The following UBC variants were observed in gnomAD, a reference collection of about 807,000 sequenced individuals.
UBC encodes ubiquitin C.
In UBC, 8 loss-of-function variants were observed where a neutral mutation model predicts 34.7. The observed-to-expected ratio is 0.23, with a 90% CI of 0.14 to 0.42. The LOEUF (loss-of-function observed/expected upper bound fraction) is 0.42, where lower values mean the gene tolerates loss of function less well. UBC is among the 10% of genes least tolerant of loss of function. The pLI is 1.00. For missense variants in UBC, 323 were observed against 750.3 expected, an observed-to-expected ratio of 0.43 and a Z score of 6.65; for synonymous variants, 367 against 299.8, an observed-to-expected ratio of 1.22 and a Z score of -2.32.
At position 124,911,732 on chromosome 12, in the gene UBC, G is replaced by A. The variant is rs746879291; in HGVS notation, c.2040C>T (p.Arg680=). ...QKESTLHLVL[R]LRGGV ...GGGAAACTTAGACACCCCCCCTCAA[G>A]CGCAGGACCAAGTGCAGAGTGGACT... Residue 680 remains arginine, a synonymous_variant, in exon 2 of 2, where the codon CGC becomes CGT. Transcript: ENST00000339647. 8.7e-6 allele frequency: 14 copies of A among 1,613,348 alleles called. No individual in the cohort carries two copies. Among genetic ancestry groups the A allele is most frequent in the Middle Eastern group, 1.6e-4 (1 of 6,076 alleles).
rs769381737 is a variant in UBC, at chr12:124,912,587, G to A, written c.1185C>T (p.Leu395=). The A allele has an allele frequency of 1.0e-5, 16 of 1,594,360 alleles. No homozygotes were observed. Among genetic ancestry groups the A allele is most frequent in the East Asian group, 2.3e-5 (1 of 44,160 alleles). The change falls in exon 2 of 2, where the codon CTC becomes CTT. Residue 395 remains leucine (L), a synonymous_variant. Transcript: ENST00000339647. ...CAATGGTGTCACTCGGCTCCACCTCGAGAGTGATGGTCTTACCAGTCAGGG... is the reference window on the plus strand; with the variant it reads ...CAATGGTGTCACTCGGCTCCACCTCAAGAGTGATGGTCTTACCAGTCAGGG... ...VKTLTGKTIT[L]EVEPSDTIEN... is the part of the protein sequence containing the mutation.
At chr12:124,913,823 T>C in intron 1 of UBC, 49 bp from the exon 2 acceptor site, 7 of 1,596,856 alleles carry the variant, frequency 4.4e-6, no homozygotes, top group Non-Finnish European at 6.0e-6. Flanking sequence ...AATTTACTAG[T>C]CTAACACTGA....
Position 124,911,810 on chromosome 12 carries a change from A to T in UBC, c.1962T>A (p.Ala654=), listed in dbSNP as rs1071732. 2.5e-6 allele frequency: 4 copies of T among 1,613,180 alleles called. No homozygotes were observed. The highest frequency in any genetic ancestry group is 3.4e-6 in the Non-Finnish European group (4 of 1,179,616). The change falls in exon 2 of 2, where the codon GCT becomes GCA. Residue 654 remains alanine (A), a synonymous_variant. Coordinates refer to ENST00000339647, the MANE Select transcript of UBC (RefSeq NM_021009.7). ...IPPDQQRLIF[A]GKQLEDGRTL... Reference sequence around the variant, plus strand: ...TGCGTCCATCTTCCAGCTGTTTCCCAGCAAAGATCAACCTCTGCTGATCAG... The same window carrying T: ...TGCGTCCATCTTCCAGCTGTTTCCCTGCAAAGATCAACCTCTGCTGATCAG...
rs1953539221 is a variant in UBC, at chr12:124,912,631, T to A, written c.1141A>T (p.Met381Leu). 1.9e-6 allele frequency: 3 copies of A among 1,610,294 alleles called. No individual in the cohort carries two copies. The highest frequency in any genetic ancestry group is 2.5e-6 in the Non-Finnish European group (3 of 1,179,036). ...LHLVLRLRGG[M>L]QIFVKTLTGK... ...GTCAGGGTCTTCACGAAGATCTGCA[T>A]CCCACCTCTGAGACGGAGCACCAGG... The change falls in exon 2 of 2, where the codon ATG becomes TTG. Residue 381 changes from methionine to leucine, a missense_variant. By Grantham distance (15) the Met-to-Leu change is conservative (BLOSUM62 2). Coordinates refer to ENST00000339647, the MANE Select transcript of UBC (RefSeq NM_021009.7).
At chr12:124,914,194 G>T in intron 1 of UBC, 1 of 210,710 alleles carries the variant, frequency 4.7e-6, no homozygotes. Context: ...CTGCCCAACG[G>T]CACCGCCATA....
At chr12:124,914,173 G>A (rs939062702) in intron 1 of UBC, 2 of 243,384 alleles carry the variant, frequency 8.2e-6, no homozygotes, top group African/African-American at 4.6e-5. Flanking sequence ...GCTCCCAAAG[G>A]TACGGGTGCA....
At chr12:124,913,960 A>T (rs1309595054) in intron 1 of UBC, 186 bp from the exon 2 acceptor site, 1 of 905,234 alleles carries the variant, frequency 1.1e-6, no homozygotes, top group Non-Finnish European at 1.6e-6. Context: ...ATAGGTACAT[A>T]AAACCGACCA....
At position 124,912,908 on chromosome 12, in the gene UBC, G is replaced by A. The variant is rs764935804; in HGVS notation, c.864C>T (p.Asn288=). 2.5e-6 allele frequency: 4 copies of A among 1,609,566 alleles called. No individual in the cohort carries two copies. The highest frequency in any genetic ancestry group is 1.7e-6 in the Non-Finnish European group (2 of 1,177,946). ...LEDGRTLSDY[N]IQKESTLHLV... is the part of the protein sequence containing the mutation. ...GGTGCAGGGTAGACTCTTTCTGGATGTTGTAGTCAGACAGGGTGCGCCCAT... is the reference window on the plus strand; with the variant it reads ...GGTGCAGGGTAGACTCTTTCTGGATATTGTAGTCAGACAGGGTGCGCCCAT... Residue 288 remains asparagine, a synonymous_variant, in exon 2 of 2, where the codon AAC becomes AAT. Coordinates refer to ENST00000339647, the MANE Select transcript of UBC (RefSeq NM_021009.7).
At chr12:124,914,083 C>G (rs1953572509) in intron 1 of UBC, 2 of 408,774 alleles carry the variant, frequency 4.9e-6, no homozygotes, top group Non-Finnish European at 8.8e-6. Context: ...AAAAGCCTAC[C>G]GCACACCTAC....
intron 1 of UBC, 158 bp from the exon 2 acceptor site, chr12:124,913,932 C>A (rs1054085350): frequency 1.8e-6 from 2 of 1,128,282 alleles, no homozygotes; most frequent in Non-Finnish European, 2.5e-6. Context: ...AAAACCGGAG[C>A]TTCAGCTACT....
chr12:124,913,927 C>G (rs1953567417), intron 1 of UBC, 153 bp from the exon 2 acceptor site: 2 of 1,216,232 alleles, frequency 1.6e-6, no homozygotes, highest in Non-Finnish European at 2.3e-6. Context: ...AGTTCAAAAC[C>G]GGAGCTTCAG....
chr12:124,913,073 C>T lies in UBC; in HGVS notation c.699G>A (p.Val233=). ...TGATGGTCTTGCCAGTGAGTGTCTT[C>T]ACGAAGATTTGCATCCCACCTCTGA... The part of the protein sequence containing the change: ...LRLRGGMQIF[V]KTLTGKTITL... Residue 233 remains valine (V), a synonymous_variant, in exon 2 of 2, where the codon GTG becomes GTA. Coordinates refer to ENST00000339647, the MANE Select transcript of UBC (RefSeq NM_021009.7). The T allele has an allele frequency of 6.2e-7, 1 of 1,609,758 alleles. No individual in the cohort carries two copies. The highest frequency in any genetic ancestry group is 1.1e-5 in the South Asian group (1 of 90,800).
chr12:124,913,781 A>T lies in UBC; in HGVS notation c.-3-7T>A. ...TCACGAAGATCTGCATTGTCTAACAAAAAAGCCAAAAACGGCCAGAATTTA... is the reference window on the plus strand; with the variant it reads ...TCACGAAGATCTGCATTGTCTAACATAAAAGCCAAAAACGGCCAGAATTTA... On this transcript the variant is annotated splice_polypyrimidine_tract_variant and splice_region_variant and intron_variant, in intron 1 of 1. Transcript: ENST00000339647. 2 of 1,613,554 alleles carry T rather than the reference A, an allele frequency of 1.2e-6. No homozygotes were observed. Among genetic ancestry groups the T allele is most frequent in the Non-Finnish European group, 1.7e-6 (2 of 1,179,764 alleles).
Position 124,912,656 on chromosome 12 carries a change from G to C in UBC, c.1116C>G (p.His372Gln). ...TCCCACCTCTGAGACGGAGCACCAG[G>C]TGCAAGGTGGACTCTTTCTGGATGT... Reference protein sequence around the residue: ...DYNIQKESTLHLVLRLRGGMQ... With the variant: ...DYNIQKESTLQLVLRLRGGMQ... Residue 372 changes from histidine (H) to glutamine (Q), a missense_variant, in exon 2 of 2, where the codon CAC (histidine) becomes CAG (glutamine). Physicochemically the swap from His to Gln is conservative, Grantham distance 24 (BLOSUM62 0). Transcript: ENST00000339647. 1 of 1,611,338 alleles carries C rather than the reference G, an allele frequency of 6.2e-7. No individual in the cohort carries two copies. Among genetic ancestry groups the C allele is most frequent in the Non-Finnish European group, 8.5e-7 (1 of 1,179,302 alleles).
intron 1 of UBC, 136 bp from the exon 2 acceptor site, chr12:124,913,910 A>C: frequency 2.9e-6 from 4 of 1,383,068 alleles, no homozygotes; most frequent in Non-Finnish European, 3.9e-6. Context: ...GCCAACCCCG[A>C]GCGCATAGTT....
Position 124,913,203 on chromosome 12 carries a change from G to A in UBC, c.569C>T (p.Pro190Leu). 1.9e-6 allele frequency: 3 copies of A among 1,611,710 alleles called. No individual in the cohort carries two copies. Among genetic ancestry groups the A allele is most frequent in the Non-Finnish European group, 1.7e-6 (2 of 1,178,724 alleles). The part of the protein sequence containing the change: ...AKIQDKEGIP[P>L]DQQRLIFAGK... ...GGCAAAGATCAACCTCTGCTGATCA[G>A]GAGGAATGCCTTCCTTATCTTGGAT... The change falls in exon 2 of 2, where the codon CCT becomes CTT. Residue 190 changes from proline (P) to leucine (L), a missense_variant. Around this residue, in one of 5 missense-constraint regions of UBC, gnomAD observed 202 missense variants for 361.9 expected, o/e 0.56. Coordinates refer to ENST00000339647, the MANE Select transcript of UBC (RefSeq NM_021009.7).
At chr12:124,913,810 G>C (rs758776628) in intron 1 of UBC, 36 bp from the exon 2 acceptor site, 1 of 1,610,372 alleles carries the variant, frequency 6.2e-7, no homozygotes, top group African/African-American at 1.3e-5. Context: ...GAATTTAGCG[G>C]ACAATTTACT....
chr12:124,913,918 G>A (rs1566303263), intron 1 of UBC, 144 bp from the exon 2 acceptor site: 25 of 1,299,440 alleles, frequency 1.9e-5, no homozygotes, highest in Middle Eastern at 2.1e-4. Context: ...CGAGCGCATA[G>A]TTCAAAACCG....
rs879066990 is a variant in UBC, at chr12:124,913,058, G to T, written c.714C>A (p.Gly238=). ...GMQIFVKTLT[G]KTITLEVEPS... ...GCTCGACCTCAAGGGTGATGGTCTT[G>T]CCAGTGAGTGTCTTCACGAAGATTT... is the stretch of plus-strand genomic sequence containing the variant. The change falls in exon 2 of 2, where the codon GGC becomes GGA. Residue 238 remains glycine, a synonymous_variant. Transcript: ENST00000339647. 6.2e-7 allele frequency: 1 copy of T among 1,603,834 alleles called. No individual in the cohort carries two copies. Among genetic ancestry groups the T allele is most frequent in the Non-Finnish European group, 8.5e-7 (1 of 1,176,580 alleles).
Sources: allele counts gnomAD v4.1 joint callset, GRCh38; gene constraint gnomAD v4.1.1; regional missense constraint gnomAD v4.1.1; transcripts MANE v1.5; gene names NCBI Gene and HGNC (gene_info 2026-07-23, HGNC 2026-07-21).